Variants in RBFOX1 observed in about 807,000 individuals in gnomAD.
The protein encoded by RBFOX1 is RNA binding fox-1 homolog 1.
Under a neutral mutation model 57.7 loss-of-function variants are expected in RBFOX1, and 8 were observed. The observed-to-expected ratio is 0.14, with a 90% CI of 0.08 to 0.25. RBFOX1 has a LOEUF of 0.25. Among genes scored for constraint, RBFOX1 ranks in the 10% least tolerant of loss-of-function variants. RBFOX1 has a pLI of 1.00. For synonymous variants in RBFOX1, 326 were observed against 222.4 expected (o/e 1.47, Z -4.15); for missense variants, 611 against 548.5 (o/e 1.11, Z -1.14).
chr16:5,598,995 T>A, exon 3 of RBFOX1: 1 of 1,487,794 alleles, frequency 6.7e-7, no homozygotes. Flanking sequence ...CAGATTAGAT[T>A]TTGAAACTAC....
intron 4 of RBFOX1, among the ~76,000 whole-genome samples, chr16:7,484,359 T>G: frequency 6.6e-6 from 1 of 152,316 alleles, no homozygotes; most frequent in Middle Eastern, 3.4e-3. Context: ...AAAGTAGAAA[T>G]GCTGGGAGAC....
At chr16:7,527,498 C>T (rs1216111351) in intron 5 of RBFOX1, among the ~76,000 whole-genome samples, 1 of 151,888 alleles carries the variant, frequency 6.6e-6, no homozygotes, top group Non-Finnish European at 1.5e-5. Context: ...CGGATTTTGG[C>T]AGAATTGGAG....
intron 2 of RBFOX1, chr16:6,483,659 C>G: frequency 3.4e-6 from 4 of 1,191,968 alleles, no homozygotes; most frequent in Non-Finnish European, 4.3e-6. Flanking sequence ...CTGAAGCCCA[C>G]TGACTCCGCG....
chr16:7,672,245 T>A (rs1308200956), intron 13 of RBFOX1, among the ~76,000 whole-genome samples: 1 of 152,220 alleles, frequency 6.6e-6, no homozygotes, highest in East Asian at 1.9e-4. Context: ...TTCATTGGAA[T>A]GTGGCTGGCC....
chr16:7,683,152 G>C (rs982216959), intron 14 of RBFOX1, among the ~76,000 whole-genome samples: 7 of 146,990 alleles, frequency 4.8e-5, no homozygotes, highest in African/African-American at 1.5e-4. Context: ...TATGGAGATG[G>C]CTCTGAAATA....
intron 3 of RBFOX1, among the ~76,000 whole-genome samples, chr16:6,659,200 C>T (rs2098685202): frequency 6.6e-6 from 1 of 150,634 alleles, no homozygotes; most frequent in Non-Finnish European, 1.5e-5. Flanking sequence ...GCTGATGGAT[C>T]AGTCAGGGGG....
intron 1 of RBFOX1, among the ~76,000 whole-genome samples, chr16:6,275,610 A>G (rs903831986): frequency 7.2e-5 from 11 of 152,218 alleles, no homozygotes; most frequent in African/African-American, 2.7e-4. Context: ...ATATAGTCCT[A>G]AAGTCTATAT....
At chr16:6,702,475 G>T (rs1478920633) in intron 3 of RBFOX1, among the ~76,000 whole-genome samples, 1 of 151,974 alleles carries the variant, frequency 6.6e-6, no homozygotes, top group Non-Finnish European at 1.5e-5. Flanking sequence ...AATTGCTTGA[G>T]CCCGGGAGGC....
intron 3 of RBFOX1, among the ~76,000 whole-genome samples, chr16:6,680,848 G>T (rs1306499890): frequency 6.6e-6 from 1 of 152,178 alleles, no homozygotes; most frequent in Non-Finnish European, 1.5e-5. Context: ...AAACATGAAT[G>T]AAGTACCTTT....
chr16:7,643,419 T>C (rs1176034420), intron 11 of RBFOX1, among the ~76,000 whole-genome samples: 1 of 152,244 alleles, frequency 6.6e-6, no homozygotes, highest in Non-Finnish European at 1.5e-5. Flanking sequence ...AGCAATTATA[T>C]ATAGAAAAAC....
intron 2 of RBFOX1, among the ~76,000 whole-genome samples, chr16:6,373,251 A>C (rs12446154): frequency 6.9e-6 from 1 of 145,660 alleles, no homozygotes; most frequent in African/African-American, 2.5e-5. Context: ...GTAGGAGGAT[A>C]GTGTAGAATG....
At chr16:5,418,503 C>T (rs905051136) in intron 1 of RBFOX1, among the ~76,000 whole-genome samples, 2 of 152,068 alleles carry the variant, frequency 1.3e-5, no homozygotes, top group African/African-American at 2.4e-5. Flanking sequence ...GGCCTGAATT[C>T]AGGAGATATT....
intron 2 of RBFOX1, among the ~76,000 whole-genome samples, chr16:6,506,776 A>G (rs1598449388): frequency 6.6e-6 from 1 of 151,722 alleles, no homozygotes; most frequent in South Asian, 2.1e-4. Context: ...CCTCCCAAGA[A>G]GCTGGGATTA....
chr16:6,358,320 C>T (rs964350771), intron 2 of RBFOX1, among the ~76,000 whole-genome samples: 2 of 152,178 alleles, frequency 1.3e-5, no homozygotes, highest in Non-Finnish European at 2.9e-5. Flanking sequence ...ATTATGTATA[C>T]TTTAATATGT....
intron 2 of RBFOX1, among the ~76,000 whole-genome samples, chr16:5,581,871 A>G (rs775510847): frequency 1.3e-5 from 2 of 152,154 alleles, no homozygotes; most frequent in Non-Finnish European, 2.9e-5. Context: ...GGCCTCTGAG[A>G]GGTAGGAAGT....
chr16:5,518,827 G>C (rs1018171307), intron 2 of RBFOX1, among the ~76,000 whole-genome samples: 1 of 152,226 alleles, frequency 6.6e-6, no homozygotes, highest in African/African-American at 2.4e-5. Flanking sequence ...GATTCAAGAT[G>C]ATGGCTGTTA....
chr16:7,251,533 C>T (rs983420440), intron 4 of RBFOX1, among the ~76,000 whole-genome samples: 2 of 151,570 alleles, frequency 1.3e-5, no homozygotes, highest in African/African-American at 4.9e-5. Context: ...GCCTCAGACT[C>T]CCAAGTAGCT....
At chr16:5,293,798 T>C (rs1345461608) in intron 1 of RBFOX1, among the ~76,000 whole-genome samples, 2 of 67,168 alleles carry the variant, frequency 3.0e-5, no homozygotes, top group African/African-American at 1.1e-4. Context: ...GGTTATTTTT[T>C]GGGGGGGCGG....
At chr16:7,487,436 A>G (rs889370619) in intron 4 of RBFOX1, among the ~76,000 whole-genome samples, 2 of 152,174 alleles carry the variant, frequency 1.3e-5, no homozygotes, top group Non-Finnish European at 2.9e-5. Context: ...TGAGAAATTC[A>G]TCTTGTTATA....
Sources: gnomAD v4.1 joint callset for allele counts (sites outside exome capture counted in the v4.1 genomes callset) on GRCh38, gnomAD v4.1.1 for gene constraint, MANE v1.5 for transcripts, NCBI Gene and HGNC (gene_info 2026-07-23, HGNC 2026-07-21) for gene names.